Variants in ARFGEF1 observed in about 807,000 individuals in gnomAD.
The protein encoded by ARFGEF1 is ARF guanine nucleotide exchange factor 1.
In ARFGEF1, 42 loss-of-function variants were observed where a neutral mutation model predicts 231.0. That is an observed-to-expected ratio of 0.18 (90% CI 0.14 to 0.24). ARFGEF1 has a LOEUF of 0.24. Among genes scored for constraint, ARFGEF1 ranks in the 10% least tolerant of loss-of-function variants. The pLI is 1.00. For synonymous variants in ARFGEF1, 710 were observed against 732.3 expected (o/e 0.97, Z 0.49); for missense variants, 1,345 against 2,192.0 (o/e 0.61, Z 7.72).
chr8:67,212,185 C>T (rs921164216), intron 33 of ARFGEF1, among the ~76,000 whole-genome samples: 11 of 152,110 alleles, frequency 7.2e-5, no homozygotes, highest in African/African-American at 2.4e-4. Context: ...TGGGTTCAAG[C>T]GATTCTCCTG....
At chr8:67,270,714 TAAAA>T (rs11349768) in intron 10 of ARFGEF1, among the ~76,000 whole-genome samples, 2 of 127,624 alleles carry the variant, frequency 1.6e-5, no homozygotes, top group African/African-American at 2.9e-5. Flanking sequence ...TGGTACACCT[TAAAA>T]AAAAAAAAAA....
intron 7 of ARFGEF1, among the ~76,000 whole-genome samples, chr8:67,287,271 T>A (rs1288737106): frequency 6.6e-6 from 1 of 152,198 alleles, no homozygotes; most frequent in East Asian, 1.9e-4. Context: ...GGTGCCTACA[T>A]AACAGCCCCC....
downstream of ARFGEF1, chr8:67,193,610 A>T (rs1044730581): frequency 6.2e-7 from 1 of 1,610,942 alleles, no homozygotes; most frequent in Non-Finnish European, 8.5e-7. Context: ...CAGGTAAATG[A>T]CCAAGTGTAA....
chr8:67,175,232 G>GT (rs1223895555), downstream of ARFGEF1: 10 of 1,294,146 alleles, frequency 7.7e-6, no homozygotes, highest in African/African-American at 3.0e-5. Context: ...TTACAGTGAA[G>GT]TTTTACAAAA....
chr8:67,307,059 G>C (rs1050504028), intron 1 of ARFGEF1, among the ~76,000 whole-genome samples: 1 of 152,212 alleles, frequency 6.6e-6, no homozygotes, highest in Non-Finnish European at 1.5e-5. Context: ...GATTACAGGC[G>C]TGAGCCACCA....
intron 32 of ARFGEF1, among the ~76,000 whole-genome samples, chr8:67,217,091 G>C (rs2128864871): frequency 6.6e-6 from 1 of 151,628 alleles, no homozygotes; most frequent in Non-Finnish European, 1.5e-5. Flanking sequence ...GATCACCCGA[G>C]GTTGGGAGTT....
intron 1 of ARFGEF1, among the ~76,000 whole-genome samples, chr8:67,310,315 T>A (rs1224898685): frequency 6.6e-6 from 1 of 152,100 alleles, no homozygotes; most frequent in African/African-American, 2.4e-5. Flanking sequence ...GCCGGGCCGG[T>A]CTCCAGCCCT....
At chr8:67,288,564 C>G (rs1805858616) in intron 6 of ARFGEF1, among the ~76,000 whole-genome samples, 1 of 152,018 alleles carries the variant, frequency 6.6e-6, no homozygotes, top group African/African-American at 2.4e-5. Flanking sequence ...GAAACCCCAT[C>G]TCTACTAAAA....
chr8:67,227,794 A>G (rs555765680), intron 25 of ARFGEF1, among the ~76,000 whole-genome samples, 169 bp downstream of exon 25: 1 of 152,156 alleles, frequency 6.6e-6, no homozygotes, highest in South Asian at 2.1e-4. Flanking sequence ...CTTAAAGCCC[A>G]GAGCAATCAT....
At chr8:67,176,451 C>T (rs891927439) in intron 5 of ARFGEF1, among the ~76,000 whole-genome samples, 3 of 152,096 alleles carry the variant, frequency 2.0e-5, no homozygotes, top group African/African-American at 7.2e-5. Context: ...TAGGGATTGT[C>T]GTCCCTTCAT....
intron 6 of ARFGEF1, among the ~76,000 whole-genome samples, chr8:67,288,892 T>C (rs1328955099): frequency 1.3e-5 from 2 of 151,632 alleles, no homozygotes; most frequent in Admixed American, 6.6e-5. Context: ...ACATATCTAA[T>C]GTAAAACTAA....
intron 19 of ARFGEF1, among the ~76,000 whole-genome samples, chr8:67,247,940 A>T (rs1840156560): frequency 1.3e-5 from 2 of 150,208 alleles, no homozygotes; most frequent in African/African-American, 5.0e-5. Context: ...AAGAAATTTT[A>T]AAAATTAACC....
At chr8:67,192,357 G>C (rs926528243) in intron 5 of ARFGEF1, among the ~76,000 whole-genome samples, 1 of 152,174 alleles carries the variant, frequency 6.6e-6, no homozygotes, top group Non-Finnish European at 1.5e-5. Flanking sequence ...TTACAGGCAT[G>C]AGCCACCGCG....
intron 19 of ARFGEF1, 136 bp from the exon 20 acceptor site, chr8:67,240,426 A>C: frequency 1.2e-6 from 1 of 803,596 alleles, no homozygotes; most frequent in Non-Finnish European, 1.9e-6. Context: ...TTCTTAAACA[A>C]AGGGGGAAAA....
At chr8:67,276,187 A>C (rs1246232156) in intron 8 of ARFGEF1, 78 bp from the exon 9 acceptor site, 2 of 1,488,066 alleles carry the variant, frequency 1.3e-6, no homozygotes, top group Non-Finnish European at 1.8e-6. Context: ...ACTGTATTTC[A>C]TTCAATTCAC....
intron 3 of ARFGEF1, 129 bp downstream of exon 3, chr8:67,301,095 A>C: frequency 1.2e-6 from 1 of 856,812 alleles, no homozygotes; most frequent in Non-Finnish European, 1.7e-6. Context: ...ATAAAAAATC[A>C]CTTGGATTTT....
chr8:67,310,552 C>T (rs1397477491), intron 1 of ARFGEF1, among the ~76,000 whole-genome samples: 1 of 152,172 alleles, frequency 6.6e-6, no homozygotes, highest in Admixed American at 6.5e-5. Context: ...CTCTGCCTGG[C>T]CGCCCATCGT....
At chr8:67,270,630 C>T (rs1031407226) in intron 10 of ARFGEF1, among the ~76,000 whole-genome samples, 11 of 147,704 alleles carry the variant, frequency 7.4e-5, no homozygotes, top group Non-Finnish European at 1.6e-4. Flanking sequence ...TTGAAAAAAG[C>T]ATTCATTAAA....
intron 19 of ARFGEF1, among the ~76,000 whole-genome samples, chr8:67,248,327 A>G (rs563871341): frequency 6.6e-6 from 1 of 150,594 alleles, no homozygotes; most frequent in Admixed American, 6.6e-5. Context: ...GAACCCAAAA[A>G]TGAATCCATA....
Sources: gnomAD v4.1 joint callset for allele counts (sites outside exome capture counted in the v4.1 genomes callset) on GRCh38, gnomAD v4.1.1 for gene constraint, MANE v1.5 for transcripts, NCBI Gene and HGNC (gene_info 2026-07-23, HGNC 2026-07-21) for gene names.